Variants in IVD observed in about 807,000 individuals in gnomAD.
IVD encodes the protein isovaleryl-CoA dehydrogenase, mitochondrial.
Under a neutral mutation model 51.3 loss-of-function variants are expected in IVD, and 31 were observed. The ratio of observed to expected loss-of-function variants is 0.60; its 90% CI spans 0.45 to 0.81. The LOEUF (loss-of-function observed/expected upper bound fraction) is 0.81, where lower values mean the gene tolerates loss of function less well. IVD is among the 40% of genes least tolerant of loss of function. The pLI is 0.00. For missense variants in IVD, 475 were observed against 552.0 expected (o/e 0.86, Z 1.40); for synonymous variants, 205 against 219.4 (o/e 0.93, Z 0.58).
rs1306517461 is a variant in IVD at position 40,420,664 on chromosome 15, G to A, written c.*2401G>A. 4.1e-6 allele frequency: 4 copies of A among 987,360 alleles called. No individual in the cohort carries two copies. The highest frequency in any genetic ancestry group is 4.8e-6 in the Non-Finnish European group (4 of 830,120). 61.2% of individuals were successfully genotyped at this position (987,360 alleles called of 1,614,324 possible). ...GGAAGCAGGGAGCCCAGAGTGCTAA[G>A]TTCTTACAGCCAGAAGGAAGCTTAT... is the stretch of plus-strand genomic sequence containing the variant. On this transcript the variant is annotated 3_prime_UTR_variant, in exon 12 of 12. Transcript: ENST00000487418.
chr15:40,414,674 G>A (rs1891452890), intron 7 of IVD: 1 of 633,758 alleles, frequency 1.6e-6, no homozygotes, highest in Non-Finnish European at 2.7e-6. Context: ...TTTGTGGTTG[G>A]CCTCGTGGAT....
rs1595763597 is a variant in IVD at position 40,409,406 on chromosome 15, A to G, written c.287-1222A>G. On this transcript the variant is annotated intron_variant, in intron 3 of 11. Coordinates refer to ENST00000487418, the MANE Select transcript of IVD (RefSeq NM_002225.5). ...AGAGAGTGAGAGCCCGCCTCTTGAAAAAAAAAAAGAAAAGAAATCAGATGA... is the reference window on the plus strand; with the variant it reads ...AGAGAGTGAGAGCCCGCCTCTTGAAGAAAAAAAAGAAAAGAAATCAGATGA... Among the ~76,000 whole-genome samples the G allele has an allele frequency of 2.6e-5, 4 of 152,130 alleles. No homozygotes were observed. The South Asian group carries it at 8.3e-4, about 32-fold the overall frequency.
At chr15:40,424,770 G>A (rs1048036538), downstream of IVD, among the ~76,000 whole-genome samples, 4 of 152,170 alleles carry the variant, frequency 2.6e-5, no homozygotes, top group African/African-American at 9.7e-5. Context: ...TTGTGTATAC[G>A]GTCCTCTCTG....
At chr15:40,406,215 G>T (rs1890393734) in intron 1 of IVD, 5 of 1,517,728 alleles carry the variant, frequency 3.3e-6, no homozygotes, top group Non-Finnish European at 4.4e-6. Context: ...GCTGGAAGTA[G>T]AGAGGAGGAG....
chr15:40,421,431 C>T (rs956716694), downstream of IVD: 4 of 982,226 alleles, frequency 4.1e-6, no homozygotes, highest in Non-Finnish European at 4.8e-6. Context: ...ACTGCTCCTT[C>T]CTGCGGCTGG....
downstream of IVD, among the ~76,000 whole-genome samples, chr15:40,427,999 T>C (rs1449438748): frequency 1.3e-5 from 2 of 152,090 alleles, no homozygotes; most frequent in African/African-American, 4.8e-5. Context: ...CTGGCCAACA[T>C]GGTGAAACCC....
In IVD at chr15:40,421,019, C is replaced by T; in HGVS notation, c.*2756C>T. ...CTTGAGACAGGTGGGGTTGGCTCCT[C>T]ACCAACCCCAGTTCCGTCCCATCCT... On this transcript the variant is annotated 3_prime_UTR_variant, in exon 12 of 12. Transcript: ENST00000487418. The T allele has an allele frequency of 1.0e-6, 1 of 985,452 alleles. No individual in the cohort carries two copies. Among genetic ancestry groups the T allele is most frequent in the African/African-American group, 1.7e-5 (1 of 57,380 alleles). The allele number at this position is 985,452 out of a possible 1,614,324, so 61.0% of individuals were successfully genotyped here.
At position 40,420,228 on chromosome 15, in the gene IVD, T is replaced by G. The variant is rs1892171267; in HGVS notation, c.*1965T>G. 4.1e-6 allele frequency: 4 copies of G among 986,822 alleles called. No individual in the cohort carries two copies. The highest frequency in any genetic ancestry group is 3.6e-6 in the Non-Finnish European group (3 of 830,214). The allele number at this position is 986,822 out of a possible 1,614,324, so 61.1% of individuals were successfully genotyped here. ...CCTCCTGTACAGCACCTCTGAGCCC[T>G]TGTGCACCGCCCTGCCACGGGCACC... On this transcript the variant is annotated 3_prime_UTR_variant, in exon 12 of 12. Coordinates refer to ENST00000487418, the MANE Select transcript of IVD (RefSeq NM_002225.5).
chr15:40,419,414 G>C lies in IVD; in HGVS notation c.*1151G>C, dbSNP rs2141380870. 2.8e-6 allele frequency: 1 copy of C among 359,776 alleles called. No individual in the cohort carries two copies. Among genetic ancestry groups the C allele is most frequent in the South Asian group, 2.2e-5 (1 of 45,422 alleles). The allele number at this position is 359,776 out of a possible 1,614,324, so 22.3% of individuals were successfully genotyped here. A position where few individuals can be genotyped will look rare whatever the true frequency, so the allele number is the denominator to read the frequency against. Reference sequence around the variant, plus strand: ...TAATCCCAGCTACTCAGGAGGCTGAGGCAGGAGAATCACTTGAACCCGGGA... The same window carrying C: ...TAATCCCAGCTACTCAGGAGGCTGACGCAGGAGAATCACTTGAACCCGGGA... On this transcript the variant is annotated 3_prime_UTR_variant, in exon 12 of 12. Coordinates refer to ENST00000487418, the MANE Select transcript of IVD (RefSeq NM_002225.5).
At position 40,418,264 on chromosome 15, in the gene IVD, T is replaced by G; in HGVS notation, c.*1T>G. The G allele has an allele frequency of 6.2e-7, 1 of 1,614,052 alleles. No homozygotes were observed. Among genetic ancestry groups the G allele is most frequent in the Non-Finnish European group, 8.5e-7 (1 of 1,179,968 alleles). On this transcript the variant is annotated 3_prime_UTR_variant, in exon 12 of 12. Coordinates refer to ENST00000487418, the MANE Select transcript of IVD (RefSeq NM_002225.5). ...AGCCTTCAATGCAGACTTTCACTAG[T>G]CCTGAGACCCTTCGCCCCCTTTTCC... is the stretch of plus-strand genomic sequence containing the variant.
chr15:40,414,792 CCTTA>C, intron 7 of IVD, 93 bp from the exon 8 acceptor site: 1 of 1,554,958 alleles, frequency 6.4e-7, no homozygotes. Flanking sequence ...TATTTTAGTG[CCTTA>C]CTTGAGAGCC....
At chr15:40,416,398 T>C in intron 11 of IVD, 36 bp downstream of exon 11, 2 of 1,593,554 alleles carry the variant, frequency 1.3e-6, no homozygotes, top group Non-Finnish European at 1.7e-6. Flanking sequence ...CGGGGCTCCC[T>C]CACTCCTGGG....
At chr15:40,430,580 G>T (rs555364868) in intron 7 of IVD, among the ~76,000 whole-genome samples, 11 of 152,326 alleles carry the variant, frequency 7.2e-5, no homozygotes, top group African/African-American at 2.6e-4. Flanking sequence ...GCTGGGCTGT[G>T]GTTGATCACA....
intron 7 of IVD, among the ~76,000 whole-genome samples, chr15:40,429,508 G>T (rs929187500): frequency 2.6e-5 from 4 of 152,076 alleles, no homozygotes; most frequent in Admixed American, 1.3e-4. Context: ...CCATCTACAC[G>T]CCCACCTGTC....
At position 40,418,046 on chromosome 15, in the gene IVD, C is replaced by T; in HGVS notation, c.1139-84C>T. On this transcript the variant is annotated intron_variant, in intron 11 of 11. Transcript: ENST00000487418. ...TTTAATCACCCTCTCCTCCTGTGGC[C>T]TGTTTCTATATACTTGGCATTCTGT... The T allele has an allele frequency of 3.1e-6, 5 of 1,589,222 alleles. No homozygotes were observed. The South Asian group carries it at 3.4e-5, about 11-fold the overall frequency.
chr15:40,417,207 A>G (rs1250891702), intron 11 of IVD, among the ~76,000 whole-genome samples: 3,415 of 129,696 alleles, frequency 0.026, 128 homozygotes, highest in African/African-American at 0.095. Context: ...TCCGTCTCGG[A>G]AAAAAAAAAA....
intron 7 of IVD, chr15:40,413,326 A>G: frequency 5.3e-6 from 3 of 566,062 alleles, no homozygotes; most frequent in Non-Finnish European, 9.6e-6. Flanking sequence ...CAGTAGCCGG[A>G]GGAGAAGGGT....
At position 40,418,247 on chromosome 15, in the gene IVD, A is replaced by G. The variant is rs1055585260; in HGVS notation, c.1256A>G (p.Asn419Ser). 1.9e-6 allele frequency: 3 copies of G among 1,614,040 alleles called. No homozygotes were observed. The highest frequency in any genetic ancestry group is 2.7e-5 in the African/African-American group (2 of 74,918). The change falls in exon 12 of 12, where the codon AAT becomes AGT. Residue 419 changes from asparagine to serine, a missense_variant. By Grantham distance (46) the Asn-to-Ser change is conservative. Coordinates refer to ENST00000487418, the MANE Select transcript of IVD (RefSeq NM_002225.5). ...CGGCTGGTCATCGGCAGAGCCTTCA[A>G]TGCAGACTTTCACTAGTCCTGAGAC... ...VRRLVIGRAF[N>S]ADFH
chr15:40,411,486 C>G (rs1054846771), intron 5 of IVD, 69 bp from the exon 6 acceptor site: 1 of 1,608,700 alleles, frequency 6.2e-7, no homozygotes, highest in African/African-American at 1.3e-5. Context: ...TCTTGCTCAG[C>G]AGAAGGTCTA....
Sources: allele counts gnomAD v4.1 joint callset (sites outside exome capture counted in the v4.1 genomes callset), GRCh38; gene constraint gnomAD v4.1.1; transcripts MANE v1.5; gene names NCBI Gene and HGNC (gene_info 2026-07-23, HGNC 2026-07-21).